Variants in MAF observed in about 807,000 individuals in gnomAD.
MAF encodes MAF bZIP transcription factor.
A neutral mutation model predicts 22.0 loss-of-function variants in MAF; 10 were observed. The ratio of observed to expected loss-of-function variants is 0.45; its 90% CI spans 0.28 to 0.77. MAF has a LOEUF of 0.77. Ranked by LOEUF, MAF falls within the 30% of genes least tolerant of loss-of-function variation. MAF has a pLI of 0.12. For missense variants in MAF, 544 were observed against 548.4 expected, an observed-to-expected ratio of 0.99 and a Z score of 0.08; for synonymous variants, 337 against 255.8, an observed-to-expected ratio of 1.32 and a Z score of -3.03.
chr16:79,552,457 T>C, the MAF span, among the ~76,000 whole-genome samples: 15 of 152,326 alleles, frequency 9.8e-5, no homozygotes, highest in African/African-American at 3.6e-4. Context: ...AATCCTCCCA[T>C]GTCGGCCTTC....
At chr16:79,520,684 G>C in the MAF span, among the ~76,000 whole-genome samples, 2 of 152,210 alleles carry the variant, frequency 1.3e-5, no homozygotes, top group Admixed American at 6.5e-5. Context: ...GGGCAAATCA[G>C]ATCTGGTTTC....
the MAF span, among the ~76,000 whole-genome samples, chr16:79,551,512 G>A: frequency 3.3e-5 from 5 of 152,258 alleles, no homozygotes; most frequent in South Asian, 2.1e-4. Context: ...TGAGAAAGAC[G>A]TGGCCCTTTC....
chr16:79,508,857 C>T, the MAF span, among the ~76,000 whole-genome samples: 16 of 152,076 alleles, frequency 1.1e-4, no homozygotes, highest in African/African-American at 3.6e-4. Flanking sequence ...TCCCAAGGCT[C>T]GGGGAGAGGG....
chr16:79,336,715 G>A, the MAF span, among the ~76,000 whole-genome samples: 1 of 152,258 alleles, frequency 6.6e-6, no homozygotes, highest in South Asian at 2.1e-4. Flanking sequence ...ACTCCAGGGA[G>A]TTTCATGACT....
chr16:79,212,118 G>A, the MAF span: 4 of 1,534,274 alleles, frequency 2.6e-6, no homozygotes, highest in Middle Eastern at 1.7e-4. Flanking sequence ...TTCTTTTACT[G>A]TTATAGAATA....
chr16:79,291,851 G>A, the MAF span, among the ~76,000 whole-genome samples: 2 of 149,616 alleles, frequency 1.3e-5, no homozygotes, highest in African/African-American at 2.5e-5. Context: ...CCCTCACAGG[G>A]TATCACCTCT....
At chr16:79,584,620 C>T (rs1260537047), downstream of MAF, among the ~76,000 whole-genome samples, 1 of 152,144 alleles carries the variant, frequency 6.6e-6, no homozygotes, top group Non-Finnish European at 1.5e-5. Context: ...GGACCTAGAT[C>T]ATCATATTTA....
the MAF span, among the ~76,000 whole-genome samples, chr16:79,297,597 A>T: frequency 6.6e-6 from 1 of 152,174 alleles, no homozygotes; most frequent in Non-Finnish European, 1.5e-5. Flanking sequence ...CTCCTTATAG[A>T]TTTTGTGAGA....
chr16:79,324,193 C>T, the MAF span, among the ~76,000 whole-genome samples: 1 of 152,138 alleles, frequency 6.6e-6, no homozygotes, highest in African/African-American at 2.4e-5. Flanking sequence ...GAGTAGCGCC[C>T]ATTTCATAGG....
chr16:79,588,740 G>A (rs1056560539), intron 1 of MAF, among the ~76,000 whole-genome samples: 6 of 152,056 alleles, frequency 3.9e-5, no homozygotes, highest in Non-Finnish European at 2.9e-5. Context: ...GGGATTACAA[G>A]CATGAGCCAC....
At chr16:79,367,750 G>A in the MAF span, among the ~76,000 whole-genome samples, 3 of 152,186 alleles carry the variant, frequency 2.0e-5, no homozygotes, top group Non-Finnish European at 4.4e-5. Flanking sequence ...CACATGCCTA[G>A]TGGCTACCAT....
chr16:79,581,050 T>C (rs918690307), downstream of MAF, among the ~76,000 whole-genome samples: 2 of 152,156 alleles, frequency 1.3e-5, no homozygotes, highest in Admixed American at 6.5e-5. Flanking sequence ...CAAGCATCTC[T>C]TCCAGCAGAC....
the MAF span, among the ~76,000 whole-genome samples, chr16:79,392,576 C>G: frequency 1.3e-5 from 2 of 151,974 alleles, no homozygotes; most frequent in African/African-American, 4.8e-5. Context: ...TGTAATAGGC[C>G]ACGGCTTTCC....
At chr16:79,376,692 A>G in the MAF span, among the ~76,000 whole-genome samples, 1 of 151,908 alleles carries the variant, frequency 6.6e-6, no homozygotes, top group Admixed American at 6.6e-5. Context: ...CCCACCCTAC[A>G]ACAGGCCCTG....
the MAF span, among the ~76,000 whole-genome samples, chr16:79,324,416 T>C: frequency 6.6e-6 from 1 of 152,216 alleles, no homozygotes; most frequent in Non-Finnish European, 1.5e-5. Context: ...ACTTTCATTA[T>C]ATTCGGATTC....
At chr16:79,245,704 T>C in the MAF span, among the ~76,000 whole-genome samples, 1 of 152,058 alleles carries the variant, frequency 6.6e-6, no homozygotes, top group African/African-American at 2.4e-5. Context: ...GTCTCATTAC[T>C]GGGTATATAC....
the MAF span, among the ~76,000 whole-genome samples, chr16:79,529,817 C>T: frequency 1.3e-5 from 2 of 152,036 alleles, no homozygotes; most frequent in African/African-American, 4.8e-5. Flanking sequence ...AAAAATTAGC[C>T]AGATGTGGTG....
chr16:79,490,941 A>T, the MAF span, among the ~76,000 whole-genome samples: 1,526 of 152,292 alleles, frequency 0.01, 29 homozygotes, highest in African/African-American at 0.035. Context: ...TTATGATCAG[A>T]TGAGACGCCC....
chr16:79,464,168 G>A, the MAF span, among the ~76,000 whole-genome samples: 2 of 152,148 alleles, frequency 1.3e-5, no homozygotes, highest in Non-Finnish European at 2.9e-5. Flanking sequence ...ATCATGCATT[G>A]TGCAGAACAA....
Sources: allele counts gnomAD v4.1 joint callset (sites outside exome capture counted in the v4.1 genomes callset), GRCh38; gene constraint gnomAD v4.1.1; transcripts MANE v1.5; gene names NCBI Gene and HGNC (gene_info 2026-07-23, HGNC 2026-07-21).